ZNF507: variants seen among roughly 807,000 people sequenced by gnomAD.
ZNF507 encodes zinc finger protein 507.
Under a neutral mutation model 80.0 loss-of-function variants are expected in ZNF507, and 29 were observed. The observed-to-expected ratio is 0.36, with a 90% CI of 0.27 to 0.49. The LOEUF (loss-of-function observed/expected upper bound fraction) is 0.49, where lower values mean the gene tolerates loss of function less well. Ranked by LOEUF, ZNF507 falls within the 20% of genes least tolerant of loss-of-function variation. ZNF507 has a pLI of 0.98. For missense variants in ZNF507, 1,081 were observed against 1,152.2 expected (o/e 0.94, Z 0.90); for synonymous variants, 462 against 422.5 (o/e 1.09, Z -1.15).
chr19:32,355,534 T>G (rs1255452537), intron 3 of ZNF507, among the ~76,000 whole-genome samples: 2 of 152,220 alleles, frequency 1.3e-5, no homozygotes, highest in African/African-American at 4.8e-5. Context: ...TTTGACTGTC[T>G]GATTTTTATC....
At chr19:32,368,881 C>G (rs987148449) in intron 5 of ZNF507, among the ~76,000 whole-genome samples, 1 of 152,202 alleles carries the variant, frequency 6.6e-6, no homozygotes, top group Admixed American at 6.5e-5. Flanking sequence ...TCAAACCAGA[C>G]TCAGGTCACC....
In ZNF507 at chr19:32,382,923, C is replaced by G. The variant is rs747930286; in HGVS notation, c.2702C>G (p.Pro901Arg). 1 of 1,614,150 alleles carries G rather than the reference C, an allele frequency of 6.2e-7. No homozygotes were observed. The highest frequency in any genetic ancestry group is 8.5e-7 in the Non-Finnish European group (1 of 1,180,024). Residue 901 changes from proline to arginine, a missense_variant, in exon 7 of 7, where the codon CCT becomes CGT. Physicochemically the swap from Pro to Arg is moderately radical, Grantham distance 103. Around this residue, in one of 6 missense-constraint regions of ZNF507, gnomAD observed 138 missense variants for 158.4 expected, o/e 0.87. Transcript: ENST00000355898. ...YSLEKISSLA[P>R]PSMEYCVLLF... ...TTAGAAAAAATCTCCAGTCTGGCCC[C>G]TCCTAGCATGGAGTACTGCGTTTTA...
At position 32,346,236 on chromosome 19, in the gene ZNF507, C is replaced by T. The variant is rs555924110; in HGVS notation, c.-97+453C>T. ...AGAAAAAGCTACTACAGAAACGCAG[C>T]CCTGGTCTTCTGCATTTATTACCAT... On this transcript the variant is annotated intron_variant, in intron 1 of 6. Transcript: ENST00000355898. Among the ~76,000 whole-genome samples, 4 of 152,232 alleles carry T rather than the reference C, an allele frequency of 2.6e-5. No individual in the cohort carries two copies. In the South Asian group the frequency reaches 8.3e-4, roughly 32 times the overall value.
intron 5 of ZNF507, among the ~76,000 whole-genome samples, chr19:32,364,581 C>CGAT (rs1568306432): frequency 1.3e-5 from 2 of 152,248 alleles, no homozygotes; most frequent in African/African-American, 4.8e-5. Flanking sequence ...TGAGAACATA[C>CGAT]GATGTTTGGT....
intron 2 of ZNF507, among the ~76,000 whole-genome samples, chr19:32,351,471 GGCGTGGGGGGGCGGGGCCTGTTTT>G (rs1568301911): frequency 4.9e-4 from 61 of 123,300 alleles, no homozygotes; most frequent in Middle Eastern, 3.9e-3. Flanking sequence ...GTGTGTGTGT[GGCGTGGGGGGGCGGGGCCTGTTTT>G]TGTGTTTGTG....
chr19:32,381,557 G>A (rs1179213970), intron 5 of ZNF507, among the ~76,000 whole-genome samples: 3 of 151,950 alleles, frequency 2.0e-5, no homozygotes, highest in Non-Finnish European at 2.9e-5. Context: ...CCAAGATCAC[G>A]ACAGAGCAAG....
At chr19:32,361,334 C>T (rs1428666285) in intron 5 of ZNF507, among the ~76,000 whole-genome samples, 1 of 152,116 alleles carries the variant, frequency 6.6e-6, no homozygotes, top group African/African-American at 2.4e-5. Context: ...TGAACTTTCA[C>T]CCCCTTGTCA....
At position 32,382,376 on chromosome 19, in the gene ZNF507, G is replaced by A. The variant is rs1016483793; in HGVS notation, c.2361-91G>A. ...CGATATGTCTAATAAGGGTTCGGAGGAAGGGCTATAATAATTGTTACAGAA... is the reference window on the plus strand; with the variant it reads ...CGATATGTCTAATAAGGGTTCGGAGAAAGGGCTATAATAATTGTTACAGAA... On this transcript the variant is annotated intron_variant, in intron 5 of 6. Coordinates refer to ENST00000355898, the MANE Select transcript of ZNF507 (RefSeq NM_001136156.2). 56 of 1,486,154 alleles carry A rather than the reference G, an allele frequency of 3.8e-5. No individual in the cohort carries two copies. The African/African-American group carries it at 7.3e-4, about 19-fold the overall frequency. The allele number at this position is 1,486,154 out of a possible 1,614,324, so 92.1% of individuals were successfully genotyped here.
At position 32,353,409 on chromosome 19, in the gene ZNF507, C is replaced by T. The variant is rs970284941; in HGVS notation, c.579C>T (p.Cys193=). Residue 193 remains cysteine (C), a synonymous_variant, in exon 3 of 7, where the codon TGC becomes TGT. Coordinates refer to ENST00000355898, the MANE Select transcript of ZNF507 (RefSeq NM_001136156.2). The part of the protein sequence containing the change: ...NIHTQSKAQQ[C]VSPSSSLCRK... ...ACACCCAATCCAAAGCCCAACAGTG[C>T]GTAAGCCCCTCCAGCTCTTTGTGTC... 1.2e-6 allele frequency: 2 copies of T among 1,614,068 alleles called. No homozygotes were observed. The highest frequency in any genetic ancestry group is 1.7e-6 in the Non-Finnish European group (2 of 1,180,046).
chr19:32,354,175 G>C lies in ZNF507; in HGVS notation c.1345G>C (p.Val449Leu). 1.2e-6 allele frequency: 2 copies of C among 1,613,316 alleles called. No individual in the cohort carries two copies. Among genetic ancestry groups the C allele is most frequent in the Middle Eastern group, 3.3e-4 (2 of 6,062 alleles). ...TGTTTATCGTGCTGATAAATGTACTGTTGATATTGGGGGATTGATCATAGG... is the reference window on the plus strand; with the variant it reads ...TGTTTATCGTGCTGATAAATGTACTCTTGATATTGGGGGATTGATCATAGG... ...DDVYRADKCT[V>L]DIGGLIIGWS... The change falls in exon 3 of 7, where the codon GTT becomes CTT. Residue 449 changes from valine (V) to leucine (L), a missense_variant. By Grantham distance (32) the Val-to-Leu change is conservative (BLOSUM62 1). This residue lies in a region of ZNF507 where 614 missense variants were observed against 583.9 expected (regional missense o/e 1.05). Transcript: ENST00000355898.
At chr19:32,371,713 C>T (rs946812197) in intron 5 of ZNF507, among the ~76,000 whole-genome samples, 6 of 148,546 alleles carry the variant, frequency 4.0e-5, no homozygotes, top group Admixed American at 1.4e-4. Context: ...GATTTCGGCT[C>T]ACTGCAAGCT....
At chr19:32,369,708 A>G (rs959449627) in intron 5 of ZNF507, among the ~76,000 whole-genome samples, 1 of 152,128 alleles carries the variant, frequency 6.6e-6, no homozygotes, top group Non-Finnish European at 1.5e-5. Flanking sequence ...TAGATAGTAA[A>G]ATGGTTACTA....
chr19:32,346,814 A>G (rs1967103414), intron 1 of ZNF507, among the ~76,000 whole-genome samples: 1 of 152,214 alleles, frequency 6.6e-6, no homozygotes, highest in Admixed American at 6.5e-5. Context: ...AGGTCACACC[A>G]CTGTGTCATA....
At chr19:32,369,411 A>C (rs1163762598) in intron 5 of ZNF507, among the ~76,000 whole-genome samples, 1 of 152,198 alleles carries the variant, frequency 6.6e-6, no homozygotes, top group Non-Finnish European at 1.5e-5. Context: ...AATTCCACCA[A>C]GGAAGCAAAG....
chr19:32,374,338 G>GGAAT (rs1568308812), intron 5 of ZNF507, among the ~76,000 whole-genome samples: 2 of 152,032 alleles, frequency 1.3e-5, no homozygotes, highest in East Asian at 3.9e-4. Flanking sequence ...TGATCTGGAC[G>GGAAT]GAATGTTAGT....
At position 32,378,444 on chromosome 19, in the gene ZNF507, G is replaced by A. The variant is rs114006012; in HGVS notation, c.2361-4023G>A. Among the ~76,000 whole-genome samples the A allele has an allele frequency of 7.2e-3, 1,101 of 152,248 alleles. 11 individuals carry two copies. The highest frequency in any genetic ancestry group is 0.025 in the African/African-American group (1,058 of 41,538). On this transcript the variant is annotated intron_variant, in intron 5 of 6. Transcript: ENST00000355898. ...AAGCCATGTTGTCCTGGATGGGGTC[G>A]TGGAACAGAAACAGGATGTTAAGTA...
intron 3 of ZNF507, among the ~76,000 whole-genome samples, chr19:32,356,178 A>G (rs1390844299): frequency 6.6e-6 from 1 of 152,242 alleles, no homozygotes; most frequent in Non-Finnish European, 1.5e-5. Flanking sequence ...TAGAGGAGAC[A>G]GGATGTCCTT....
rs1967106682 is a variant in ZNF507 at position 32,347,094 on chromosome 19, C to A, written c.-96-151C>A. ...TTGTTAGATAAATTATTTAAATTTG[C>A]ATTACGTAATAGGGTTGCATGAACA... On this transcript the variant is annotated intron_variant, in intron 1 of 6. Coordinates refer to ENST00000355898, the MANE Select transcript of ZNF507 (RefSeq NM_001136156.2). Among the ~76,000 whole-genome samples the A allele has an allele frequency of 3.9e-5, 6 of 151,940 alleles. No individual in the cohort carries two copies. In the South Asian group the frequency reaches 1.2e-3, roughly 32 times the overall value.
In ZNF507 at chr19:32,374,710, G is replaced by C. The variant is rs143361130; in HGVS notation, c.2361-7757G>C. On this transcript the variant is annotated intron_variant, in intron 5 of 6. Coordinates refer to ENST00000355898, the MANE Select transcript of ZNF507 (RefSeq NM_001136156.2). ...TTGGCCAGACTGGTCCCAAACTCATGACCTCAGGTGATCCACCCACCTCAG... is the reference window on the plus strand; with the variant it reads ...TTGGCCAGACTGGTCCCAAACTCATCACCTCAGGTGATCCACCCACCTCAG... Among the ~76,000 whole-genome samples the C allele has an allele frequency of 2.6e-3, 400 of 152,214 alleles. 1 individual carries two copies. The highest frequency in any genetic ancestry group is 0.017 in the Middle Eastern group (5 of 294).
Sources: gnomAD v4.1 joint callset for allele counts (sites outside exome capture counted in the v4.1 genomes callset) on GRCh38, gnomAD v4.1.1 for gene constraint, gnomAD v4.1.1 regional missense constraint, MANE v1.5 for transcripts, NCBI Gene and HGNC (gene_info 2026-07-23, HGNC 2026-07-21) for gene names.